PDE1A: variants seen among roughly 807,000 people sequenced by gnomAD.
PDE1A encodes the protein phosphodiesterase 1A.
PDE1A carries 35 observed loss-of-function variants against 61.7 expected under a neutral mutation model. The observed-to-expected ratio is 0.57, with a 90% CI of 0.43 to 0.75. The LOEUF (loss-of-function observed/expected upper bound fraction) is 0.75, where lower values mean the gene tolerates loss of function less well. Among genes scored for constraint, PDE1A ranks in the 30% least tolerant of loss-of-function variants. The pLI is 0.00. For synonymous variants in PDE1A, 232 were observed against 213.2 expected (o/e 1.09, Z -0.77); for missense variants, 597 against 630.6 (o/e 0.95, Z 0.57).
At chr2:182,233,573 G>T (rs1487911840) in intron 4 of PDE1A, among the ~76,000 whole-genome samples, 1 of 152,080 alleles carries the variant, frequency 6.6e-6, no homozygotes, top group African/African-American at 2.4e-5. Context: ...AATTAAAAAG[G>T]AGTACAATAA....
the PDE1A span, among the ~76,000 whole-genome samples, chr2:182,569,200 C>A: frequency 2.0e-5 from 3 of 150,262 alleles, no homozygotes; most frequent in East Asian, 5.9e-4. Context: ...CTGCAGTGAG[C>A]CGAGATTGTG....
intron 13 of PDE1A, among the ~76,000 whole-genome samples, chr2:182,181,822 T>G (rs1428485873): frequency 6.6e-6 from 1 of 152,136 alleles, no homozygotes; most frequent in Non-Finnish European, 1.5e-5. Flanking sequence ...CTTTGCTGTG[T>G]TGTGGTGAAT....
intron 1 of PDE1A, among the ~76,000 whole-genome samples, chr2:182,335,230 T>C (rs555935192): frequency 6.6e-6 from 1 of 152,322 alleles, no homozygotes; most frequent in Non-Finnish European, 1.5e-5. Context: ...CCCATCAAGC[T>C]ACCACTGACT....
chr2:182,288,141 CTATTTTATT>C (rs1296638850), intron 1 of PDE1A, among the ~76,000 whole-genome samples: 3 of 152,084 alleles, frequency 2.0e-5, no homozygotes, highest in Non-Finnish European at 4.4e-5. Flanking sequence ...ATGAAGACTT[CTATTTTATT>C]TCCTTCCAAT....
At chr2:182,608,731 C>T in the PDE1A span, among the ~76,000 whole-genome samples, 1 of 152,240 alleles carries the variant, frequency 6.6e-6, no homozygotes, top group Admixed American at 6.5e-5. Flanking sequence ...AGCGCCGCCC[C>T]CTGCTCCACG....
chr2:182,313,171 T>C (rs1292999597), intron 1 of PDE1A, among the ~76,000 whole-genome samples: 2 of 152,190 alleles, frequency 1.3e-5, no homozygotes, highest in Non-Finnish European at 2.9e-5. Context: ...CCCAGCACTT[T>C]GGGAGGCCGA....
At chr2:182,325,584 T>C (rs1277248802) in intron 1 of PDE1A, among the ~76,000 whole-genome samples, 1 of 152,110 alleles carries the variant, frequency 6.6e-6, no homozygotes, top group African/African-American at 2.4e-5. Flanking sequence ...GAGATTAAGA[T>C]CCAGAATACA....
chr2:182,715,229 T>C, the PDE1A span, among the ~76,000 whole-genome samples: 3 of 152,196 alleles, frequency 2.0e-5, no homozygotes, highest in African/African-American at 7.2e-5. Context: ...CTCAGTTTCC[T>C]CAAATGGGAA....
intron 2 of PDE1A, among the ~76,000 whole-genome samples, chr2:182,255,322 A>G (rs553784733): frequency 6.6e-6 from 1 of 152,336 alleles, no homozygotes; most frequent in African/African-American, 2.4e-5. Context: ...GCCGTTCATT[A>G]GCCCAATCTA....
the PDE1A span, among the ~76,000 whole-genome samples, chr2:182,561,368 A>T: frequency 6.6e-6 from 1 of 151,888 alleles, no homozygotes; most frequent in Non-Finnish European, 1.5e-5. Context: ...ATAGTTGTAG[A>T]TATGAGGTGT....
rs116204379 is a variant in PDE1A, at chr2:182,412,713, C to T, written c.53+13865G>A. Among the ~76,000 whole-genome samples, 1,477 of 152,228 alleles carry T rather than the reference C, an allele frequency of 9.7e-3. 24 individuals carry two copies. The highest frequency in any genetic ancestry group is 0.034 in the African/African-American group (1,393 of 41,544). On this transcript the variant is annotated intron_variant, in intron 1 of 13. Transcript: ENST00000351439. Reference sequence around the variant, plus strand: ...TAATGTCTTAGAGTTTTTCATTTATCTATGAAATAAGACAGTTACACTAGA... The same window carrying T: ...TAATGTCTTAGAGTTTTTCATTTATTTATGAAATAAGACAGTTACACTAGA...
chr2:182,343,228 T>C (rs1202068928), intron 1 of PDE1A, among the ~76,000 whole-genome samples: 2 of 152,188 alleles, frequency 1.3e-5, no homozygotes, highest in Non-Finnish European at 2.9e-5. Flanking sequence ...CAGTTCAAGG[T>C]TGTTTTGTTT....
chr2:182,564,410 CT>C, the PDE1A span, among the ~76,000 whole-genome samples: 1 of 152,200 alleles, frequency 6.6e-6, no homozygotes, highest in Non-Finnish European at 1.5e-5. Flanking sequence ...TGTAGAGTTT[CT>C]GCCGAGAGAT....
chr2:182,199,709 TTAG>T (rs1295138870), intron 10 of PDE1A, among the ~76,000 whole-genome samples: 9 of 152,080 alleles, frequency 5.9e-5, no homozygotes, highest in Non-Finnish European at 1.3e-4. Context: ...GTTTTTACAT[TTAG>T]TGTATTTTTT....
the PDE1A span, among the ~76,000 whole-genome samples, chr2:182,608,867 G>A: frequency 4.6e-5 from 7 of 152,240 alleles, no homozygotes; most frequent in African/African-American, 1.4e-4. Context: ...TCCTGAGTCT[G>A]GTGGGGACTT....
chr2:182,165,701 G>A (rs958926829), downstream of PDE1A, among the ~76,000 whole-genome samples: 4 of 152,144 alleles, frequency 2.6e-5, no homozygotes, highest in African/African-American at 9.7e-5. Context: ...ACAGAATACA[G>A]AATGGGTAGT....
chr2:182,329,776 G>A (rs1697283508), intron 1 of PDE1A, among the ~76,000 whole-genome samples: 1 of 152,104 alleles, frequency 6.6e-6, no homozygotes, highest in African/African-American at 2.4e-5. Flanking sequence ...TCGGATTCCA[G>A]TTTAGTTTTC....
chr2:182,434,644 A>C (rs1236413478), intron 2 of PDE1A, among the ~76,000 whole-genome samples: 1 of 151,994 alleles, frequency 6.6e-6, no homozygotes, highest in Non-Finnish European at 1.5e-5. Flanking sequence ...CACCGAAATC[A>C]CTTGAATTTT....
At chr2:182,443,561 C>T (rs1379330721) in intron 2 of PDE1A, among the ~76,000 whole-genome samples, 2 of 152,004 alleles carry the variant, frequency 1.3e-5, no homozygotes, top group Non-Finnish European at 2.9e-5. Flanking sequence ...CTGTCTCTCT[C>T]CTGTCAACAT....
Sources: allele counts gnomAD v4.1 joint callset (sites outside exome capture counted in the v4.1 genomes callset), GRCh38; gene constraint gnomAD v4.1.1; transcripts MANE v1.5; gene names NCBI Gene and HGNC (gene_info 2026-07-23, HGNC 2026-07-21).